The following MID1 variants were observed in gnomAD, a reference collection of about 807,000 sequenced individuals.
The protein encoded by MID1 is midline 1, also known as E3 ubiquitin-protein ligase Midline-1.
A neutral mutation model predicts 40.4 loss-of-function variants in MID1; 7 were observed. The ratio of observed to expected loss-of-function variants is 0.17; its 90% confidence interval spans 0.10 to 0.33. The LOEUF is 0.33. Among genes scored for constraint, MID1 ranks in the 10% least tolerant of loss-of-function variants. The pLI is 1.00. For synonymous variants in MID1, 229 were observed against 221.2 expected (o/e 1.04, Z -0.31); for missense variants, 367 against 558.5 (o/e 0.66, Z 3.46).
At chrX:10,716,108 A>C (rs902140518) in intron 1 of MID1, among the ~76,000 whole-genome samples, 1 of 111,771 alleles carries the variant, frequency 8.9e-6, no homozygotes, top group Non-Finnish European at 1.9e-5. Flanking sequence ...AACAGAGCAG[A>C]AAAACTGAAA....
intron 3 of MID1, among the ~76,000 whole-genome samples, chrX:10,515,698 C>G (rs1465781249): frequency 8.9e-6 from 1 of 112,155 alleles, no homozygotes; most frequent in African/African-American, 3.2e-5. Flanking sequence ...CCTTTATCCT[C>G]TTGAAACCAT....
intron 2 of MID1, among the ~76,000 whole-genome samples, chrX:10,525,499 G>T (rs1263204401): frequency 8.9e-6 from 1 of 112,272 alleles, no homozygotes; most frequent in Non-Finnish European, 1.9e-5. Flanking sequence ...CCCTGTGCTT[G>T]TTGACTATTT....
At chrX:10,559,181 TA>T (rs1569104037) in intron 2 of MID1, among the ~76,000 whole-genome samples, 1 of 112,608 alleles carries the variant, frequency 8.9e-6, no homozygotes, top group African/African-American at 3.2e-5. Context: ...TGGAAACTAT[TA>T]AAAAATATAC....
At chrX:10,598,093 C>A (rs190018205) in intron 1 of MID1, among the ~76,000 whole-genome samples, 208 of 111,705 alleles carry the variant, frequency 1.9e-3, no homozygotes, top group Middle Eastern at 0.018. Context: ...CTCCAGTATG[C>A]CTTGATCTCA....
chrX:10,498,758 A>G (rs190681053), intron 3 of MID1, among the ~76,000 whole-genome samples: 4 of 112,398 alleles, frequency 3.6e-5, no homozygotes, highest in African/African-American at 1.3e-4. Context: ...TAATGTTTTC[A>G]AGGTTCATCT....
At chrX:10,638,520 G>A (rs1231420730) in intron 1 of MID1, among the ~76,000 whole-genome samples, 1 of 112,120 alleles carries the variant, frequency 8.9e-6, no homozygotes, top group Admixed American at 9.4e-5. Flanking sequence ...GCTCAAACTG[G>A]GTGGAGCCCA....
chrX:10,644,117 C>T (rs1170440420), intron 1 of MID1, among the ~76,000 whole-genome samples: 1 of 111,196 alleles, frequency 9.0e-6, no homozygotes, highest in Non-Finnish European at 1.9e-5. Flanking sequence ...AACAAACCTG[C>T]ACGTTGTGCA....
At chrX:10,578,657 G>C (rs1934932687) in intron 1 of MID1, among the ~76,000 whole-genome samples, 1 of 112,159 alleles carries the variant, frequency 8.9e-6, no homozygotes, top group Admixed American at 9.4e-5. Flanking sequence ...CCAGGTCTAT[G>C]CTGTACTGGG....
At chrX:10,651,572 T>G (rs149471791) in intron 1 of MID1, among the ~76,000 whole-genome samples, 26 of 112,551 alleles carry the variant, frequency 2.3e-4, no homozygotes, top group African/African-American at 7.4e-4. Context: ...TCTGGGCTAT[T>G]CATCCAATTA....
chrX:10,744,567 G>A (rs982017244), intron 1 of MID1, among the ~76,000 whole-genome samples: 2 of 111,634 alleles, frequency 1.8e-5, no homozygotes, highest in Admixed American at 1.9e-4. Context: ...CAGCCCAGAA[G>A]TCCATAATGC....
chrX:10,558,133 C>T (rs939854652), intron 2 of MID1, among the ~76,000 whole-genome samples: 11 of 110,236 alleles, frequency 1.0e-4, no homozygotes, highest in Non-Finnish European at 1.9e-5. Context: ...AACCCTTAAC[C>T]TTGCATTTAA....
chrX:10,810,515 G>T, intron 1 of MID1, among the ~76,000 whole-genome samples: 1 of 111,880 alleles, frequency 8.9e-6, no homozygotes, highest in Non-Finnish European at 1.9e-5. Flanking sequence ...CCTGCTCCCT[G>T]CTTTCTATTC....
At chrX:10,695,509 A>C (rs1013329010) in intron 1 of MID1, among the ~76,000 whole-genome samples, 2 of 111,817 alleles carry the variant, frequency 1.8e-5, no homozygotes, top group African/African-American at 6.5e-5. Flanking sequence ...TTATGATTAC[A>C]TTCACAGCCC....
intron 1 of MID1, among the ~76,000 whole-genome samples, chrX:10,789,356 C>G (rs777322607): frequency 1.8e-5 from 2 of 112,369 alleles, no homozygotes; most frequent in Non-Finnish European, 3.8e-5. Context: ...CAATCATGCA[C>G]CACATAACAA....
intron 1 of MID1, among the ~76,000 whole-genome samples, chrX:10,688,068 T>C (rs950591460): frequency 9.0e-6 from 1 of 111,314 alleles, no homozygotes; most frequent in Non-Finnish European, 1.9e-5. Context: ...CTATATTGCC[T>C]AGACTGGTCT....
intron 8 of MID1, among the ~76,000 whole-genome samples, chrX:10,457,800 A>G (rs763826826): frequency 7.1e-5 from 8 of 112,306 alleles, no homozygotes; most frequent in Non-Finnish European, 1.5e-4. Context: ...CTTTAACCAC[A>G]TGGATCAATT....
chrX:10,575,084 T>C (rs780599695), intron 1 of MID1, among the ~76,000 whole-genome samples: 2 of 112,355 alleles, frequency 1.8e-5, no homozygotes, highest in Non-Finnish European at 3.8e-5. Context: ...GCATTGAAAA[T>C]GTACAAATGA....
chrX:10,510,841 A>G lies in MID1; in HGVS notation c.756+12251T>C, dbSNP rs1281549615. On this transcript the variant is annotated intron_variant, in intron 3 of 9. Transcript: ENST00000317552. The stretch of plus-strand genomic sequence containing the variant: ...GCAAGACTCTGTCTCAAAAAAAAAA[A>G]AAAAAAAAAAAAAGAAAATGCTGAA... 5.6e-5 allele frequency among the ~76,000 whole-genome samples: 6 copies of G among 107,889 alleles called. No individual in the cohort carries two copies. The Admixed American group carries it at 6.0e-4, about 11-fold the overall frequency. The allele number at this position is 107,889 out of a possible 115,157, so 93.7% of individuals were successfully genotyped here. A position where few individuals can be genotyped will look rare whatever the true frequency, so the allele number is the denominator to read the frequency against.
At chrX:10,792,378 A>G (rs1162590725) in intron 1 of MID1, among the ~76,000 whole-genome samples, 1 of 111,863 alleles carries the variant, frequency 8.9e-6, no homozygotes, top group Non-Finnish European at 1.9e-5. Flanking sequence ...GTAATACTGC[A>G]GTGGTACCTA....
Sources: gnomAD v4.1 joint callset for allele counts (sites outside exome capture counted in the v4.1 genomes callset) on GRCh38, gnomAD v4.1.1 for gene constraint, MANE v1.5 for transcripts, NCBI Gene and HGNC (gene_info 2026-07-23, HGNC 2026-07-21) for gene names.